Variants in ANKRD62 observed in about 807,000 individuals in gnomAD.
ANKRD62 encodes the protein ankyrin repeat domain-containing protein 62.
In ANKRD62, 61 loss-of-function variants were observed where a neutral mutation model predicts 98.8. The observed-to-expected ratio is 0.62, with a 90% confidence interval of 0.50 to 0.76. The LOEUF is 0.76. ANKRD62 is among the 30% of genes least tolerant of loss of function. The pLI is 0.00. For missense variants in ANKRD62, 933 were observed against 1,082.9 expected (o/e 0.86, Z 1.94); for synonymous variants, 341 against 367.9 (o/e 0.93, Z 0.84).
chr18:12,172,637 T>G, the ANKRD62 span, among the ~76,000 whole-genome samples: 1 of 152,326 alleles, frequency 6.6e-6, no homozygotes, highest in South Asian at 2.1e-4. Flanking sequence ...CACTACTCTC[T>G]TCAAAGCTGT....
chr18:12,095,743 C>G (rs868244794), intron 3 of ANKRD62, 133 bp downstream of exon 3: 1 of 851,046 alleles, frequency 1.2e-6, no homozygotes, highest in Non-Finnish European at 1.7e-6. Flanking sequence ...TTACATACAA[C>G]TATTTAAAAA....
Position 12,126,926 on chromosome 18 carries a change from C to T in ANKRD62, c.2562+543C>T, listed in dbSNP as rs186146926. 8.3e-4 allele frequency among the ~76,000 whole-genome samples: 126 copies of T among 152,178 alleles called. No homozygotes were observed. The East Asian group carries it at 0.02, about 24-fold the overall frequency. The stretch of plus-strand genomic sequence containing the variant: ...ATTTGACTTAAATCTGAAAATAATT[C>T]GGTCTCAAATTATATATTGATACAA... On this transcript the variant is annotated intron_variant, in intron 13 of 13. Transcript: ENST00000587848.
In ANKRD62 at chr18:12,125,467, A is replaced by C. The variant is rs1352654054; in HGVS notation, c.1646A>C (p.His549Pro). 1.2e-5 allele frequency: 17 copies of C among 1,453,004 alleles called. No homozygotes were observed. The highest frequency in any genetic ancestry group is 1.5e-5 in the Non-Finnish European group (17 of 1,112,930). 90.0% of individuals were successfully genotyped at this position (1,453,004 alleles called of 1,614,324 possible). The change falls in exon 13 of 14, where the codon CAT becomes CCT. Residue 549 changes from histidine (H) to proline (P), a missense_variant. His to Pro is a moderately conservative substitution (Grantham distance 77, BLOSUM62 -2). Around this residue, in one of 3 missense-constraint regions of ANKRD62, gnomAD observed 362 missense variants for 434.5 expected, o/e 0.83. Coordinates refer to ENST00000587848, the MANE Select transcript of ANKRD62 (RefSeq NM_001277333.2). ...TTTCTTTGTTTTATTTAGAATTTTCATACTCATGAAAGAGAAAGAGACCTG... is the reference window on the plus strand; with the variant it reads ...TTTCTTTGTTTTATTTAGAATTTTCCTACTCATGAAAGAGAAAGAGACCTG... ...TVRSNSNQNFHTHERERDLWQ... is the reference protein window; with the variant it reads ...TVRSNSNQNFPTHERERDLWQ...
At chr18:12,099,466 A>T in intron 5 of ANKRD62, 149 bp from the exon 6 acceptor site, 1 of 444,168 alleles carries the variant, frequency 2.3e-6, no homozygotes, top group Non-Finnish European at 3.9e-6. Flanking sequence ...TTAGAAGCTT[A>T]ATAAGAGTTT....
intron 8 of ANKRD62, among the ~76,000 whole-genome samples, chr18:12,113,161 C>G (rs932385792): frequency 3.7e-4 from 57 of 152,178 alleles, no homozygotes; most frequent in African/African-American, 3.6e-4. Context: ...TCCCAAAGTG[C>G]TGGGATTACA....
At chr18:12,101,503 A>G (rs766565528) in intron 6 of ANKRD62, among the ~76,000 whole-genome samples, 2 of 152,202 alleles carry the variant, frequency 1.3e-5, no homozygotes, top group African/African-American at 2.4e-5. Flanking sequence ...TTTCCCCAGT[A>G]TATGTAACCA....
chr18:12,136,910 C>T, the ANKRD62 span, among the ~76,000 whole-genome samples: 1 of 152,170 alleles, frequency 6.6e-6, no homozygotes, highest in Non-Finnish European at 1.5e-5. Context: ...TATCCTGAGA[C>T]TTTGCTGAAG....
At chr18:12,123,292 T>C (rs1909820957) in intron 11 of ANKRD62, among the ~76,000 whole-genome samples, 1 of 152,078 alleles carries the variant, frequency 6.6e-6, no homozygotes, top group South Asian at 2.1e-4. Flanking sequence ...GACCGCAAGT[T>C]ATCTGCTGGC....
At chr18:12,116,380 A>G (rs1909665653) in intron 10 of ANKRD62, among the ~76,000 whole-genome samples, 1 of 152,226 alleles carries the variant, frequency 6.6e-6, no homozygotes, top group Admixed American at 6.5e-5. Flanking sequence ...GGTGTGGTTA[A>G]TATGCATGAT....
At chr18:12,117,929 A>T (rs908908607) in intron 10 of ANKRD62, among the ~76,000 whole-genome samples, 4 of 152,194 alleles carry the variant, frequency 2.6e-5, no homozygotes, top group Non-Finnish European at 5.9e-5. Context: ...GACCAGTTTT[A>T]TGTTCACAGC....
the ANKRD62 span, among the ~76,000 whole-genome samples, chr18:12,170,245 C>T: frequency 6.6e-6 from 1 of 152,124 alleles, no homozygotes; most frequent in African/African-American, 2.4e-5. Context: ...TAGATCTTTC[C>T]TGCTTTCTCT....
At chr18:12,123,986 A>G (rs1183904833) in intron 11 of ANKRD62, 151 bp from the exon 12 acceptor site, 1 of 420,594 alleles carries the variant, frequency 2.4e-6, no homozygotes. Flanking sequence ...TTCAATTTAT[A>G]TGTCTTCTTT....
intron 8 of ANKRD62, among the ~76,000 whole-genome samples, chr18:12,111,385 C>G (rs1909535378): frequency 1.3e-5 from 2 of 152,038 alleles, no homozygotes; most frequent in South Asian, 4.1e-4. Flanking sequence ...AAGCTCTCAA[C>G]TAGTTATTGA....
the ANKRD62 span, among the ~76,000 whole-genome samples, chr18:12,151,915 G>A: frequency 6.6e-6 from 1 of 151,942 alleles, no homozygotes; most frequent in African/African-American, 2.4e-5. Flanking sequence ...CAAGTAACAT[G>A]AGTAACTACT....
chr18:12,163,448 C>A, the ANKRD62 span, among the ~76,000 whole-genome samples: 3 of 152,108 alleles, frequency 2.0e-5, no homozygotes, highest in African/African-American at 7.2e-5. Context: ...ATCATATCAT[C>A]TACAAATAAG....
At position 12,108,840 on chromosome 18, in the gene ANKRD62, T is replaced by A. The variant is rs1476361921; in HGVS notation, c.1064+1373T>A. ...CATGGGCCCCATGCAAGTCTGAAAC[T>A]CTACTTGGCAGTCATTAAATCTTAA... On this transcript the variant is annotated intron_variant, in intron 8 of 13. Transcript: ENST00000587848. Among the ~76,000 whole-genome samples, 3 of 152,194 alleles carry A rather than the reference T, an allele frequency of 2.0e-5. No homozygotes were observed. The East Asian group carries it at 5.8e-4, about 29-fold the overall frequency.
intron 5 of ANKRD62, 27 bp from the exon 6 acceptor site, chr18:12,099,588 T>C (rs1193734904): frequency 1.0e-5 from 14 of 1,390,478 alleles, no homozygotes; most frequent in African/African-American, 2.9e-5. Context: ...AAAATAGTAA[T>C]TGTATTTACT....
At chr18:12,150,115 G>T in the ANKRD62 span, among the ~76,000 whole-genome samples, 1 of 152,188 alleles carries the variant, frequency 6.6e-6, no homozygotes, top group African/African-American at 2.4e-5. Flanking sequence ...CCACTAAGAG[G>T]CCTGACGGAG....
rs752185139 is a variant in ANKRD62, at chr18:12,129,213, C to T, written c.*1274C>T. The T allele has an allele frequency of 7.9e-5, 12 of 152,170 alleles. No homozygotes were observed. The highest frequency in any genetic ancestry group is 1.6e-4 in the Non-Finnish European group (11 of 68,002). 9.4% of individuals were successfully genotyped at this position (152,170 alleles called of 1,614,324 possible). On this transcript the variant is annotated 3_prime_UTR_variant, in exon 14 of 14. Transcript: ENST00000587848. ...AATTTCCTATGTTTCCCCATTTTAC[C>T]AATTTTGTAAATTTGAGTATCTGAT...
Sources: gnomAD v4.1 joint callset for allele counts (sites outside exome capture counted in the v4.1 genomes callset) on GRCh38, gnomAD v4.1.1 for gene constraint, gnomAD v4.1.1 regional missense constraint, MANE v1.5 for transcripts, NCBI Gene and HGNC (gene_info 2026-07-23, HGNC 2026-07-21) for gene names.